The following RARB variants were observed in gnomAD, a reference collection of about 807,000 sequenced individuals.
The protein encoded by RARB is HBV-activated protein.
A neutral mutation model predicts 51.9 loss-of-function variants in RARB; 17 were observed. That is an observed-to-expected ratio of 0.33 (90% CI 0.22 to 0.49). The LOEUF is 0.49. RARB is among the 20% of genes least tolerant of loss of function. The pLI is 0.99. For synonymous variants in RARB, 215 were observed against 195.4 expected, an observed-to-expected ratio of 1.10 and a Z score of -0.84; for missense variants, 369 against 550.8, an observed-to-expected ratio of 0.67 and a Z score of 3.30.
At chr3:25,069,210 A>AT (rs148345390) in intron 3 of RARB, among the ~76,000 whole-genome samples, 10,004 of 150,894 alleles carry the variant, frequency 0.066, 432 homozygotes, top group Non-Finnish European at 0.1. Flanking sequence ...TGTGAGAAAG[A>AT]TTTTTTTTTG....
In RARB at chr3:25,066,659, G is replaced by A. The variant is rs376852108; in HGVS notation, c.-328+6483G>A. ...TTTCTCTCTCTTACCCTGTCATAAG[G>A]CAGTTTTCCAAAGAACTTTACATTT... On this transcript the variant is annotated intron_variant, in intron 3 of 11. Transcript: ENST00000383772. Among the ~76,000 whole-genome samples, 3 of 150,854 alleles carry A rather than the reference G, an allele frequency of 2.0e-5. No homozygotes were observed. In the East Asian group the frequency reaches 5.8e-4, roughly 29 times the overall value.
chr3:24,982,268 C>A (rs948522450), intron 2 of RARB, among the ~76,000 whole-genome samples: 1 of 152,302 alleles, frequency 6.6e-6, no homozygotes, highest in Non-Finnish European at 1.5e-5. Flanking sequence ...AACTCTGAAC[C>A]AGGTGGGCTA....
At chr3:25,542,243 C>T (rs755590091) in intron 3 of RARB, among the ~76,000 whole-genome samples, 7 of 152,196 alleles carry the variant, frequency 4.6e-5, no homozygotes, top group African/African-American at 1.7e-4. Flanking sequence ...CTGTGGCTTA[C>T]AGGCCATGTT....
chr3:24,981,103 G>C (rs1696657148), intron 2 of RARB, among the ~76,000 whole-genome samples: 1 of 152,232 alleles, frequency 6.6e-6, no homozygotes, highest in South Asian at 2.1e-4. Flanking sequence ...GGAGGCTGCA[G>C]AACAGCAAAT....
At position 25,558,471 on chromosome 3, in the gene RARB, C is replaced by T. The variant is rs1464864192; in HGVS notation, c.449-11287C>T. ...CCCACAGTTCATCTGCTTTCATCCC[C>T]GTATCCTTTTCCCTTTCCCATCAAC... On this transcript the variant is annotated intron_variant, in intron 3 of 7. Transcript: ENST00000330688. 2.6e-5 allele frequency among the ~76,000 whole-genome samples: 4 copies of T among 151,830 alleles called. No homozygotes were observed. In the East Asian group the frequency reaches 7.7e-4, roughly 29 times the overall value.
intron 2 of RARB, among the ~76,000 whole-genome samples, chr3:25,006,633 G>T (rs899233600): frequency 6.6e-6 from 1 of 152,108 alleles, no homozygotes; most frequent in East Asian, 1.9e-4. Context: ...TAATCATAAA[G>T]ACTTCAGTGT....
chr3:25,325,541 AC>A (rs1268219195), intron 5 of RARB, among the ~76,000 whole-genome samples: 2 of 148,430 alleles, frequency 1.3e-5, no homozygotes, highest in Non-Finnish European at 3.0e-5. Context: ...CAGACCAAAT[AC>A]CCCCCAGGCA....
At chr3:24,917,470 A>G (rs1396056746) in intron 2 of RARB, among the ~76,000 whole-genome samples, 1 of 152,242 alleles carries the variant, frequency 6.6e-6, no homozygotes, top group African/African-American at 2.4e-5. Flanking sequence ...TTAATTAGGT[A>G]TGGACAAAAG....
At chr3:25,030,767 C>A (rs1474287740) in intron 2 of RARB, among the ~76,000 whole-genome samples, 2 of 152,188 alleles carry the variant, frequency 1.3e-5, no homozygotes, top group East Asian at 3.8e-4. Flanking sequence ...CGGGTGCTCT[C>A]TTGCATTTAC....
At chr3:25,135,054 CTT>C (rs11455739) in intron 4 of RARB, among the ~76,000 whole-genome samples, 5 of 143,456 alleles carry the variant, frequency 3.5e-5, no homozygotes, top group Admixed American at 7.0e-5. Flanking sequence ...TTCCTTTTCC[CTT>C]TTTTTTTTTT....
At chr3:25,211,174 G>T (rs1162991081) in intron 5 of RARB, among the ~76,000 whole-genome samples, 1 of 152,058 alleles carries the variant, frequency 6.6e-6, no homozygotes, top group Non-Finnish European at 1.5e-5. Flanking sequence ...TTGTTACCAA[G>T]GACCAAGATA....
At chr3:25,204,465 T>G (rs1701478738) in intron 5 of RARB, among the ~76,000 whole-genome samples, 1 of 152,238 alleles carries the variant, frequency 6.6e-6, no homozygotes, top group Admixed American at 6.5e-5. Context: ...CCATTGCTGG[T>G]GAGGAGCTGC....
intron 5 of RARB, among the ~76,000 whole-genome samples, chr3:25,256,975 TATC>T (rs1049759873): frequency 5.9e-5 from 9 of 152,212 alleles, no homozygotes; most frequent in African/African-American, 1.7e-4. Context: ...TTGCCCAAAA[TATC>T]ATACGATAAG....
chr3:25,182,300 G>C (rs6788715), intron 5 of RARB, among the ~76,000 whole-genome samples: 1 of 152,012 alleles, frequency 6.6e-6, no homozygotes, highest in South Asian at 2.1e-4. Context: ...TAATAAGTGA[G>C]ATGGACAAAG....
intron 5 of RARB, among the ~76,000 whole-genome samples, chr3:25,338,399 C>G (rs1199582695): frequency 1.3e-5 from 2 of 152,246 alleles, no homozygotes; most frequent in Non-Finnish European, 2.9e-5. Context: ...GGGCTGTTGT[C>G]TAAATTGAAT....
chr3:25,352,763 G>A lies in RARB; in HGVS notation c.179-108430G>A, dbSNP rs530441341. ...CCATTATTTACTGCATCCATTTCAGGAATAAGTAACATCACTCATTACTTT... is the reference window on the plus strand; with the variant it reads ...CCATTATTTACTGCATCCATTTCAGAAATAAGTAACATCACTCATTACTTT... On this transcript the variant is annotated intron_variant, in intron 5 of 11. Coordinates refer to the RARB transcript ENST00000383772. 1.1e-3 allele frequency among the ~76,000 whole-genome samples: 164 copies of A among 152,220 alleles called. 1 individual carries two copies. In the Middle Eastern group the frequency reaches 0.017, roughly 16 times the overall value.
intron 6 of RARB, 47 bp from the exon 7 acceptor site, chr3:25,594,473 A>AG (rs1381666723): frequency 6.6e-7 from 1 of 1,522,974 alleles, no homozygotes; most frequent in Non-Finnish European, 8.8e-7. Flanking sequence ...AGAGGGGAAA[A>AG]GGGCATAAAT....
rs548663169 is a variant in RARB at position 25,229,983 on chromosome 3, G to A, written c.178+55408G>A. Among the ~76,000 whole-genome samples, 530 of 152,256 alleles carry A rather than the reference G, an allele frequency of 3.5e-3. 1 individual carries two copies. Among genetic ancestry groups the A allele is most frequent in the Non-Finnish European group, 4.9e-3 (332 of 68,000 alleles). On this transcript the variant is annotated intron_variant, in intron 5 of 11. Transcript: ENST00000383772. ...TTGTATGATAAAACATATTTCTAGAGTGGGGAAGGATCTTGAGTAAATATA... is the reference window on the plus strand; with the variant it reads ...TTGTATGATAAAACATATTTCTAGAATGGGGAAGGATCTTGAGTAAATATA...
At chr3:25,095,257 C>T (rs891329564) in intron 3 of RARB, among the ~76,000 whole-genome samples, 3 of 152,166 alleles carry the variant, frequency 2.0e-5, no homozygotes, top group Admixed American at 6.6e-5. Flanking sequence ...TACTGATATG[C>T]AGCAGAATTT....
Sources: gnomAD v4.1 joint callset for allele counts (sites outside exome capture counted in the v4.1 genomes callset) on GRCh38, gnomAD v4.1.1 for gene constraint, MANE v1.5 for transcripts, NCBI Gene and HGNC (gene_info 2026-07-23, HGNC 2026-07-21) for gene names.